The following KAZN variants were observed in gnomAD, a reference collection of about 807,000 sequenced individuals.
KAZN encodes the protein kazrin, periplakin interacting protein.
In KAZN, 40 loss-of-function variants were observed where a neutral mutation model predicts 87.4. The observed-to-expected ratio is 0.46, with a 90% CI of 0.36 to 0.60. The LOEUF (loss-of-function observed/expected upper bound fraction) is 0.60. Among genes scored for constraint, KAZN ranks in the 20% least tolerant of loss-of-function variants. The pLI, the probability that KAZN is intolerant of heterozygous loss-of-function variation, is 0.00. For missense variants in KAZN, 898 were observed against 1,073.9 expected (o/e 0.84, Z 2.29); for synonymous variants, 466 against 458.3 (o/e 1.02, Z -0.22).
intron 1 of KAZN, among the ~76,000 whole-genome samples, chr1:14,158,723 G>A (rs1221888360): frequency 6.6e-6 from 1 of 152,082 alleles, no homozygotes. Context: ...AGTACTCTCA[G>A]TCTGGGCTTG....
intron 1 of KAZN, among the ~76,000 whole-genome samples, chr1:14,827,164 A>G (rs1646915703): frequency 6.6e-6 from 1 of 152,200 alleles, no homozygotes; most frequent in African/African-American, 2.4e-5. Context: ...ACTTTCTGTC[A>G]TGCAGGGACC....
At chr1:14,324,176 G>A (rs148427389) in intron 2 of KAZN, among the ~76,000 whole-genome samples, 47 of 152,274 alleles carry the variant, frequency 3.1e-4, no homozygotes, top group African/African-American at 1.1e-3. Context: ...TTACTACTCT[G>A]TAACGTGGAT....
intron 2 of KAZN, among the ~76,000 whole-genome samples, chr1:14,387,783 C>T (rs1662059751): frequency 1.3e-5 from 2 of 152,002 alleles, no homozygotes; most frequent in Non-Finnish European, 2.9e-5. Flanking sequence ...CTGTGCCCTG[C>T]CCCCAGAGGT....
intron 1 of KAZN, among the ~76,000 whole-genome samples, chr1:14,673,599 G>A (rs952467097): frequency 2.6e-5 from 4 of 152,170 alleles, no homozygotes; most frequent in African/African-American, 9.6e-5. Context: ...AGGAAGACGT[G>A]TTGTTGGATC....
intron 13 of KAZN, among the ~76,000 whole-genome samples, chr1:15,106,062 T>TTGAGTC (rs1247518663): frequency 6.6e-6 from 1 of 152,120 alleles, no homozygotes; most frequent in African/African-American, 2.4e-5. Flanking sequence ...GGAGGATTGC[T>TTGAGTC]TGAGTCCAGG....
chr1:14,518,503 G>T (rs538987911), intron 2 of KAZN, among the ~76,000 whole-genome samples: 1 of 152,250 alleles, frequency 6.6e-6, no homozygotes, highest in East Asian at 1.9e-4. Flanking sequence ...TAAAGAAAAA[G>T]TAAGAAAGCA....
chr1:14,492,960 C>T (rs1669754356), intron 2 of KAZN, among the ~76,000 whole-genome samples: 2 of 151,896 alleles, frequency 1.3e-5, no homozygotes, highest in African/African-American at 4.8e-5. Context: ...AATCAGGTCC[C>T]GGCCCTCTTC....
chr1:14,036,936 C>G (rs949542212), intron 1 of KAZN, among the ~76,000 whole-genome samples: 1 of 151,804 alleles, frequency 6.6e-6, no homozygotes, highest in African/African-American at 2.4e-5. Context: ...TGCACCACCA[C>G]GCCCAGCTAA....
chr1:15,111,617 G>A (rs1269187401), intron 13 of KAZN, among the ~76,000 whole-genome samples: 7 of 152,166 alleles, frequency 4.6e-5, no homozygotes, highest in Admixed American at 4.6e-4. Flanking sequence ...CCTCCGTGGT[G>A]ACTTCTGGCT....
chr1:14,376,353 T>C (rs1340823204), intron 2 of KAZN, among the ~76,000 whole-genome samples: 1 of 152,040 alleles, frequency 6.6e-6, no homozygotes. Flanking sequence ...AACTAGGAGG[T>C]AACTAGGTTA....
At chr1:14,263,067 T>C (rs1651205340) in intron 2 of KAZN, among the ~76,000 whole-genome samples, 1 of 152,220 alleles carries the variant, frequency 6.6e-6, no homozygotes, top group African/African-American at 2.4e-5. Context: ...TGACTATTTA[T>C]GACTTTTACT....
Position 15,043,944 on chromosome 1 carries a change from C to A in KAZN, c.556-45C>A, listed in dbSNP as rs371750012. On this transcript the variant is annotated intron_variant, in intron 3 of 14. Coordinates refer to ENST00000376030, the MANE Select transcript of KAZN (RefSeq NM_201628.3). ...CTAGGCATCCCTGGGCCAGGAGGAG[C>A]CTGGCTGTAACACCCACGGTGCTCT... 7.7e-6 allele frequency: 12 copies of A among 1,551,988 alleles called. No individual in the cohort carries two copies. The South Asian group carries it at 1.3e-4, about 17-fold the overall frequency.
At chr1:13,947,478 G>A (rs1010662196) in intron 1 of KAZN, among the ~76,000 whole-genome samples, 3 of 152,126 alleles carry the variant, frequency 2.0e-5, no homozygotes. Context: ...TACAATTTGA[G>A]ATGAGATTTG....
intron 2 of KAZN, among the ~76,000 whole-genome samples, chr1:14,527,424 C>T (rs190262080): frequency 7.2e-5 from 11 of 152,070 alleles, no homozygotes; most frequent in Non-Finnish European, 1.2e-4. Flanking sequence ...TGGCGGGCAC[C>T]TGTAATCCCG....
intron 1 of KAZN, among the ~76,000 whole-genome samples, chr1:14,647,662 G>A (rs190835302): frequency 2.0e-5 from 3 of 152,138 alleles, no homozygotes; most frequent in Non-Finnish European, 4.4e-5. Context: ...TGTGGGAATC[G>A]GGGCCTGGTA....
At chr1:13,977,498 G>A (rs918695340) in intron 1 of KAZN, among the ~76,000 whole-genome samples, 2 of 152,158 alleles carry the variant, frequency 1.3e-5, no homozygotes, top group Admixed American at 1.3e-4. Flanking sequence ...GTCAAAGAGT[G>A]GGGGAAATAA....
At chr1:14,457,020 C>T (rs772548552) in intron 2 of KAZN, among the ~76,000 whole-genome samples, 11 of 152,116 alleles carry the variant, frequency 7.2e-5, no homozygotes, top group African/African-American at 1.7e-4. Context: ...GCGGAGGTTG[C>T]GGTGAGCCAA....
intron 1 of KAZN, among the ~76,000 whole-genome samples, chr1:13,980,778 T>A (rs536622715): frequency 6.6e-6 from 1 of 152,208 alleles, no homozygotes; most frequent in African/African-American, 2.4e-5. Context: ...GGAGCTTGGC[T>A]CACCTTGAAG....
At chr1:14,747,822 C>T (rs551634300) in intron 1 of KAZN, among the ~76,000 whole-genome samples, 7 of 152,304 alleles carry the variant, frequency 4.6e-5, no homozygotes, top group Admixed American at 3.9e-4. Flanking sequence ...CACATTCTCA[C>T]CAGCAATGCA....
Sources: allele counts gnomAD v4.1 joint callset (sites outside exome capture counted in the v4.1 genomes callset), GRCh38; gene constraint gnomAD v4.1.1; transcripts MANE v1.5; gene names NCBI Gene and HGNC (gene_info 2026-07-23, HGNC 2026-07-21).